BCAS3: variants seen among roughly 807,000 people sequenced by gnomAD.
BCAS3 encodes the protein BCAS3 microtubule associated cell migration factor, also known as BCAS4/BCAS3 fusion.
Under a neutral mutation model 116.1 loss-of-function variants are expected in BCAS3, and 53 were observed. The observed-to-expected ratio is 0.46, with a 90% CI of 0.37 to 0.57. BCAS3 has a LOEUF of 0.57. BCAS3 is among the 20% of genes least tolerant of loss of function. BCAS3 has a pLI of 0.00. For synonymous variants in BCAS3, 391 were observed against 408.2 expected (o/e 0.96, Z 0.51); for missense variants, 917 against 1,165.4 (o/e 0.79, Z 3.10).
In BCAS3 at chr17:60,858,631, G is replaced by A. The variant is rs577404911; in HGVS notation, c.477-9945G>A. On this transcript the variant is annotated intron_variant, in intron 7 of 23. Transcript: ENST00000407086. ...ATAAAATACCTAGTTGTGACATATG[G>A]AAAATGTATGTTTAATTTTTTTACA... 1.2e-3 allele frequency among the ~76,000 whole-genome samples: 185 copies of A among 152,198 alleles called. No homozygotes were observed. In the Middle Eastern group the frequency reaches 0.017, roughly 14 times the overall value.
Position 61,051,071 on chromosome 17 carries a change from C to T in BCAS3, c.2029+10179C>T, listed in dbSNP as rs548411711. Among the ~76,000 whole-genome samples, 45 of 152,116 alleles carry T rather than the reference C, an allele frequency of 3.0e-4. 2 individuals are homozygous for T. Among genetic ancestry groups the T allele is most frequent in the Non-Finnish European group, 5.4e-4 (37 of 67,944 alleles). Reference sequence around the variant, plus strand: ...AAGGGAATTAAGAAATTATTTTTGACTGAATGAGATTGAAATCAGATATAC... The same window carrying T: ...AAGGGAATTAAGAAATTATTTTTGATTGAATGAGATTGAAATCAGATATAC... On this transcript the variant is annotated intron_variant, in intron 19 of 23. Transcript: ENST00000407086. The surrounding 1 kb of genome is among the most constrained non-coding windows in gnomAD (Gnocchi z 4.1).
At chr17:61,057,982 C>A (rs930493252) in intron 19 of BCAS3, among the ~76,000 whole-genome samples, 11 of 151,820 alleles carry the variant, frequency 7.2e-5, no homozygotes, top group Admixed American at 1.3e-4. Context: ...CCTCTTTTAG[C>A]TGCTGATTAT....
At chr17:61,305,599 AATAATGATGGCTG>A (rs2053786689) in intron 22 of BCAS3, among the ~76,000 whole-genome samples, 1 of 152,344 alleles carries the variant, frequency 6.6e-6, no homozygotes, top group African/African-American at 2.4e-5. Flanking sequence ...GAAAGTGACC[AATAATGATGGCTG>A]TGGCTGGGTG....
chr17:60,831,781 T>A (rs1216713543), intron 7 of BCAS3, among the ~76,000 whole-genome samples: 1 of 151,864 alleles, frequency 6.6e-6, no homozygotes, highest in African/African-American at 2.4e-5. Context: ...ATGTGGTATG[T>A]TTAAGTCTTA....
At chr17:60,803,669 A>T (rs903928169) in intron 6 of BCAS3, among the ~76,000 whole-genome samples, 6 of 152,182 alleles carry the variant, frequency 3.9e-5, no homozygotes, top group Non-Finnish European at 5.9e-5. Flanking sequence ...TTAAAAACAA[A>T]GGAAAAATTT....
intron 9 of BCAS3, among the ~76,000 whole-genome samples, chr17:60,889,208 G>A (rs2144997400): frequency 6.6e-6 from 1 of 152,288 alleles, no homozygotes; most frequent in South Asian, 2.1e-4. Context: ...GACTTTCAGA[G>A]TTACTTGTCT....
At chr17:60,779,438 C>G (rs530443571) in intron 6 of BCAS3, among the ~76,000 whole-genome samples, 1 of 150,006 alleles carries the variant, frequency 6.7e-6, no homozygotes, top group South Asian at 2.1e-4. Flanking sequence ...GGCGTGATCT[C>G]AGTTCACTGC....
intron 6 of BCAS3, among the ~76,000 whole-genome samples, chr17:60,788,237 A>G (rs2046452666): frequency 6.6e-6 from 1 of 152,194 alleles, no homozygotes; most frequent in African/African-American, 2.4e-5. Context: ...TAAGGGTAAC[A>G]GAAAAGAATT....
At chr17:61,143,864 A>G (rs774966944) in intron 22 of BCAS3, among the ~76,000 whole-genome samples, 5 of 152,166 alleles carry the variant, frequency 3.3e-5, no homozygotes, top group Non-Finnish European at 5.9e-5. Context: ...GGACACCTAC[A>G]AATTAGGGGT....
intron 8 of BCAS3, among the ~76,000 whole-genome samples, chr17:60,871,265 A>G (rs529868178): frequency 3.7e-4 from 56 of 152,276 alleles, no homozygotes; most frequent in Non-Finnish European, 7.6e-4. Flanking sequence ...CCCAAGCTGA[A>G]GCAATCCTCT....
chr17:60,976,020 CTT>C lies in BCAS3; in HGVS notation c.1222-13932_1222-13931del, dbSNP rs755966067. Among the ~76,000 whole-genome samples the C allele has an allele frequency of 2.8e-3, 276 of 98,302 alleles. 1 individual carries two copies. Among genetic ancestry groups the C allele is most frequent in the Middle Eastern group, 0.013 (1 of 80 alleles). 64.5% of individuals were successfully genotyped at this position (98,302 alleles called of 152,430 possible). On this transcript the variant is annotated intron_variant, in intron 14 of 23. Coordinates refer to ENST00000407086, the MANE Select transcript of BCAS3 (RefSeq NM_017679.5). ...GCAAACATTTGTATATAGATTTTTG[CTT>C]TTTTTTTTTTTTTTTTTTCTTTTTG...
chr17:61,380,451 T>C lies in BCAS3; in HGVS notation c.2594-11526T>C, dbSNP rs2059551824. 4.6e-6 allele frequency: 7 copies of C among 1,520,490 alleles called. No individual in the cohort carries two copies. The East Asian group carries it at 1.6e-4, about 35-fold the overall frequency. 94.2% of individuals were successfully genotyped at this position (1,520,490 alleles called of 1,614,324 possible). Reference sequence around the variant, plus strand: ...ACTTTGATCTCAGCTCTTCCTGCTCTCTTAAAGGTCCAGTTTGTGATCCGC... The same window carrying C: ...ACTTTGATCTCAGCTCTTCCTGCTCCCTTAAAGGTCCAGTTTGTGATCCGC... On this transcript the variant is annotated intron_variant, in intron 23 of 23. Transcript: ENST00000407086. This position sits in a 1 kb window ranked among gnomAD's most constrained non-coding sequence, Gnocchi z 4.2.
At position 61,368,508 on chromosome 17, in the gene BCAS3, C is replaced by G. The variant is rs770227817; in HGVS notation, c.2593+14C>G. On this transcript the variant is annotated intron_variant, in intron 23 of 23. Coordinates refer to ENST00000407086, the MANE Select transcript of BCAS3 (RefSeq NM_017679.5). The surrounding 1 kb of genome is among the most constrained non-coding windows in gnomAD (Gnocchi z 6.0). ...GATCCGGAACAGGTAAAGGTGTCAT[C>G]AGACTTCTAGCCTGATTTGGTCAGG... The G allele has an allele frequency of 2.5e-6, 4 of 1,588,796 alleles. No homozygotes were observed. In the East Asian group the frequency reaches 6.8e-5, roughly 27 times the overall value.
rs991331055 is a variant in BCAS3, at chr17:61,347,355, T to C, written c.2426-20972T>C. On this transcript the variant is annotated intron_variant, in intron 22 of 23. Coordinates refer to ENST00000407086, the MANE Select transcript of BCAS3 (RefSeq NM_017679.5). This position sits in a 1 kb window ranked among gnomAD's most constrained non-coding sequence, Gnocchi z 4.3. ...CCTCAGCCTCCCAAAGTGCTGGGAT[T>C]ATAGGCATGAGCCACCGCACCCGGC... 6.6e-6 allele frequency among the ~76,000 whole-genome samples: 1 copy of C among 152,204 alleles called. No individual in the cohort carries two copies. The highest frequency in any genetic ancestry group is 1.5e-5 in the Non-Finnish European group (1 of 68,032).
intron 6 of BCAS3, among the ~76,000 whole-genome samples, chr17:60,757,356 AAATAAAT>A (rs1166182079): frequency 2.4e-5 from 3 of 123,678 alleles, no homozygotes; most frequent in African/African-American, 7.9e-5. Context: ...ATAAATAAAT[AAATAAAT>A]GAGTTTCTCT....
chr17:60,689,643 G>C (rs1042076374), intron 3 of BCAS3, 43 bp from the exon 4 acceptor site: 1 of 1,429,290 alleles, frequency 7.0e-7, no homozygotes, highest in African/African-American at 1.4e-5. Flanking sequence ...TAATATTAAA[G>C]CTGTAAAATA....
chr17:61,360,454 A>G (rs963724347), intron 22 of BCAS3, among the ~76,000 whole-genome samples: 2 of 152,258 alleles, frequency 1.3e-5, no homozygotes, highest in Non-Finnish European at 2.9e-5. Context: ...ACTTAAAACA[A>G]CAGATGTATT....
intron 2 of BCAS3, among the ~76,000 whole-genome samples, chr17:60,683,218 C>A (rs2033446212): frequency 6.6e-6 from 1 of 152,020 alleles, no homozygotes; most frequent in African/African-American, 2.4e-5. Context: ...GGTTCATAAC[C>A]AATTTAAGGA....
intron 5 of BCAS3, among the ~76,000 whole-genome samples, chr17:60,726,929 T>C (rs1173721192): frequency 6.6e-6 from 1 of 152,188 alleles, no homozygotes; most frequent in Non-Finnish European, 1.5e-5. Flanking sequence ...TTGCATATAT[T>C]ATTTATTATC....
Sources: allele counts gnomAD v4.1 joint callset (sites outside exome capture counted in the v4.1 genomes callset), GRCh38; gene constraint gnomAD v4.1.1; non-coding constraint Gnocchi (gnomAD v3.1); transcripts MANE v1.5; gene names NCBI Gene and HGNC (gene_info 2026-07-23, HGNC 2026-07-21).